The following GPR183 variants were observed in gnomAD, a reference collection of about 807,000 sequenced individuals.
GPR183 encodes EBV-induced G-protein coupled receptor 2.
GPR183 carries 9 observed loss-of-function variants against 19.7 expected under a neutral mutation model. The ratio of observed to expected loss-of-function variants is 0.46; its 90% CI spans 0.28 to 0.80. GPR183 has a LOEUF of 0.80. Among genes scored for constraint, GPR183 ranks in the 30% least tolerant of loss-of-function variants. GPR183 has a pLI of 0.13. For missense variants in GPR183, 368 were observed against 446.7 expected (o/e 0.82, Z 1.59); for synonymous variants, 160 against 155.1 (o/e 1.03, Z -0.24).
Position 99,295,021 on chromosome 13 carries a change from A to G in GPR183, c.*39T>C, listed in dbSNP as rs548559580. 1.3e-5 allele frequency: 20 copies of G among 1,564,354 alleles called. No individual in the cohort carries two copies. The South Asian group carries it at 2.3e-4, about 18-fold the overall frequency. ...TAAGGGAAGTCCTGCAAAGTTTGTC[A>G]TACAGTTTACGTCACTATAAACCAA... On this transcript the variant is annotated 3_prime_UTR_variant, in exon 2 of 2. Coordinates refer to ENST00000376414, the MANE Select transcript of GPR183 (RefSeq NM_004951.5). This position sits in a 1 kb window ranked among gnomAD's most constrained non-coding sequence, Gnocchi z 4.1.
intron 1 of GPR183, among the ~76,000 whole-genome samples, chr13:99,305,945 G>C (rs776918692): frequency 1.3e-4 from 20 of 152,150 alleles, no homozygotes; most frequent in Non-Finnish European, 2.5e-4. Context: ...GCCCAGGCTA[G>C]AGTGCAGTGG....
Position 99,295,167 on chromosome 13 carries a change from CT to C in GPR183, c.978del (p.Val327SerfsTer9). On this transcript the variant is annotated frameshift_variant, in exon 2 of 2. Transcript: ENST00000376414. LOFTEE classifies it high-confidence loss of function. The surrounding 1 kb of genome is among the most constrained non-coding windows in gnomAD (Gnocchi z 4.1). The stretch of plus-strand genomic sequence containing the variant: ...ACAGCACTAGAAATCGATACACTGA[CT>C]TGCCGTTTCAGCATCCTCATAACCT... Reference protein sequence around the residue: ...KRKVMRMLKRQVSVSISSAVK... With the variant: ...KRKVMRMLKRXVSVSISSAVK... 6.2e-7 allele frequency: 1 copy of C among 1,614,158 alleles called. No homozygotes were observed. Among genetic ancestry groups the C allele is most frequent in the Non-Finnish European group, 8.5e-7 (1 of 1,180,000 alleles).
In GPR183 at chr13:99,295,757, A is replaced by C; in HGVS notation, c.389T>G (p.Phe130Cys). Residue 130 changes from phenylalanine to cysteine, a missense_variant, in exon 2 of 2, where the codon TTC (phenylalanine) becomes TGC (cysteine). Phe to Cys is a radical substitution (Grantham distance 205). Coordinates refer to ENST00000376414, the MANE Select transcript of GPR183 (RefSeq NM_004951.5). The surrounding 1 kb of genome is among the most constrained non-coding windows in gnomAD (Gnocchi z 4.1). ...GCGTAGAGGGTGCACCACAGCAATG[A>C]AGCGGTCAATACTCAGGCAGGTCAT... ...NFMTCLSIDR[F>C]IAVVHPLRYN... 1 of 1,614,148 alleles carries C rather than the reference A, an allele frequency of 6.2e-7. No homozygotes were observed. Among genetic ancestry groups the C allele is most frequent in the Middle Eastern group, 1.7e-4 (1 of 6,060 alleles).
Position 99,295,620 on chromosome 13 carries a change from C to A in GPR183, c.526G>T (p.Ala176Ser), listed in dbSNP as rs541209030. ...TACTCCATGCATGTAATCCTTTCAG[C>A]CTCCTGCTTTGACATAGGGTTGATG... The part of the protein sequence containing the change: ...LLINPMSKQE[A>S]ERITCMEYPN... Residue 176 changes from alanine to serine, a missense_variant, in exon 2 of 2, where the codon GCT becomes TCT. By Grantham distance (99) the Ala-to-Ser change is moderately conservative. Coordinates refer to ENST00000376414, the MANE Select transcript of GPR183 (RefSeq NM_004951.5). The surrounding 1 kb of genome is among the most constrained non-coding windows in gnomAD (Gnocchi z 4.1). 6 of 1,614,140 alleles carry A rather than the reference C, an allele frequency of 3.7e-6. No homozygotes were observed. The Admixed American group carries it at 5.0e-5, about 13-fold the overall frequency.
rs1466246899 is a variant in GPR183, at chr13:99,295,441, T to C, written c.705A>G (p.Lys235=). The C allele has an allele frequency of 1.9e-6, 3 of 1,614,136 alleles. No individual in the cohort carries two copies. The highest frequency in any genetic ancestry group is 1.7e-6 in the Non-Finnish European group (2 of 1,180,022). Residue 235 remains lysine (K), a synonymous_variant, in exon 2 of 2, where the codon AAA becomes AAG. Coordinates refer to ENST00000376414, the MANE Select transcript of GPR183 (RefSeq NM_004951.5). This position sits in a 1 kb window ranked among gnomAD's most constrained non-coding sequence, Gnocchi z 4.1. The part of the protein sequence containing the change: ...RTAKQNPLTE[K]SGVNKKALNT... ...TGAGAGCCTTTTTGTTTACACCAGA[T>C]TTCTCAGTGAGTGGGTTTTGTTTGG...
chr13:99,303,014 C>T (rs1037220459), intron 1 of GPR183, among the ~76,000 whole-genome samples: 16 of 372 alleles, frequency 0.043, no homozygotes, highest in Non-Finnish European at 0.068. Flanking sequence ...ACCTCCCCTG[C>T]CTCCTGGGGG....
Position 99,295,085 on chromosome 13 carries a change from T to G in GPR183, c.1061A>C (p.His354Pro), listed in dbSNP as rs768009744. Reference protein sequence around the residue: ...REMTETQMMIHSKSSNGK With the variant: ...REMTETQMMIPSKSSNGK The stretch of plus-strand genomic sequence containing the variant: ...TCACTTTCCATTTGAAGACTTGGAA[T>G]GTATCATCATCTGCGTTTCTGTCAT... Residue 354 changes from histidine (H) to proline (P), a missense_variant, in exon 2 of 2, where the codon CAT becomes CCT. Coordinates refer to ENST00000376414, the MANE Select transcript of GPR183 (RefSeq NM_004951.5). The surrounding 1 kb of genome is among the most constrained non-coding windows in gnomAD (Gnocchi z 4.1). 1 of 1,613,864 alleles carries G rather than the reference T, an allele frequency of 6.2e-7. No homozygotes were observed. The highest frequency in any genetic ancestry group is 2.2e-5 in the East Asian group (1 of 44,872).
At chr13:99,297,637 A>C (rs893245007) in intron 1 of GPR183, among the ~76,000 whole-genome samples, 1 of 152,154 alleles carries the variant, frequency 6.6e-6, no homozygotes, top group Non-Finnish European at 1.5e-5. Flanking sequence ...AACCTAAAGC[A>C]AAAGAGAGCA....
At position 99,295,361 on chromosome 13, in the gene GPR183, A is replaced by G. The variant is rs749629581; in HGVS notation, c.785T>C (p.Val262Ala). 43 of 1,614,136 alleles carry G rather than the reference A, an allele frequency of 2.7e-5. No homozygotes were observed. The highest frequency in any genetic ancestry group is 3.6e-5 in the Non-Finnish European group (43 of 1,179,986). ...CTTAATCATATGTTGAATAATTGCA[A>G]CATGGTAAGGTGTGAAACAGAGAAC... ...VFVLCFTPYH[V>A]AIIQHMIKKL... is the part of the protein sequence containing the mutation. Residue 262 changes from valine to alanine, a missense_variant, in exon 2 of 2, where the codon GTT becomes GCT. Val to Ala is a moderately conservative substitution (Grantham distance 64, BLOSUM62 0). Transcript: ENST00000376414. This position sits in a 1 kb window ranked among gnomAD's most constrained non-coding sequence, Gnocchi z 4.1.
chr13:99,299,437 T>C (rs1442085337), intron 1 of GPR183, among the ~76,000 whole-genome samples: 1 of 151,366 alleles, frequency 6.6e-6, no homozygotes, highest in Non-Finnish European at 1.5e-5. Flanking sequence ...TTTTGGGAGG[T>C]AGGGAAGCAA....
At chr13:99,302,415 G>C (rs1224034968) in intron 1 of GPR183, among the ~76,000 whole-genome samples, 3 of 152,184 alleles carry the variant, frequency 2.0e-5, no homozygotes, top group Non-Finnish European at 2.9e-5. Context: ...GCAAGCTGGG[G>C]CTGTTTCAGC....
At chr13:99,306,474 T>C (rs2138746535) in intron 1 of GPR183, among the ~76,000 whole-genome samples, 1 of 152,116 alleles carries the variant, frequency 6.6e-6, no homozygotes, top group Non-Finnish European at 1.5e-5. Flanking sequence ...TTACACTATA[T>C]TGTACTCAGA....
In GPR183 at chr13:99,299,701, A is replaced by G. The variant is rs149911175; in HGVS notation, c.-18-3538T>C. Among the ~76,000 whole-genome samples, 441 of 152,230 alleles carry G rather than the reference A, an allele frequency of 2.9e-3. 2 individuals are homozygous for G. Among genetic ancestry groups the G allele is most frequent in the African/African-American group, 0.01 (428 of 41,532 alleles). On this transcript the variant is annotated intron_variant, in intron 1 of 1. Coordinates refer to ENST00000376414, the MANE Select transcript of GPR183 (RefSeq NM_004951.5). The stretch of plus-strand genomic sequence containing the variant: ...ACATGCTTTTCAAAGCTTGCTGTTC[A>G]GTGTTCCTTTTTCAGATTTCTGCAT...
At chr13:99,306,202 A>C (rs1489319867) in intron 1 of GPR183, among the ~76,000 whole-genome samples, 1 of 152,138 alleles carries the variant, frequency 6.6e-6, no homozygotes, top group African/African-American at 2.4e-5. Flanking sequence ...AGCCTGATTC[A>C]GGGTCTTTAT....
intron 1 of GPR183, 79 bp from the exon 2 acceptor site, chr13:99,296,242 T>A: frequency 8.2e-7 from 1 of 1,215,652 alleles, no homozygotes; most frequent in Non-Finnish European, 1.1e-6. Flanking sequence ...TAAAAAAGTT[T>A]AAATAATGTA....
chr13:99,295,798 A>G lies in GPR183; in HGVS notation c.348T>C (p.Tyr116=), dbSNP rs1462068274. The G allele has an allele frequency of 1.2e-6, 2 of 1,612,614 alleles. No individual in the cohort carries two copies. Among genetic ancestry groups the G allele is most frequent in the African/African-American group, 1.3e-5 (1 of 74,920 alleles). The change falls in exon 2 of 2, where the codon TAT becomes TAC. Residue 116 remains tyrosine (Y), a synonymous_variant. Coordinates refer to ENST00000376414, the MANE Select transcript of GPR183 (RefSeq NM_004951.5). The surrounding 1 kb of genome is among the most constrained non-coding windows in gnomAD (Gnocchi z 4.1). The part of the protein sequence containing the change: ...ITALVFYINT[Y]AGVNFMTCLS... ...GGCAGGTCATAAAGTTCACACCTGC[A>G]TATGTGTTGATGTAAAACACTAGCG...
At chr13:99,306,469 C>T (rs1198069075) in intron 1 of GPR183, among the ~76,000 whole-genome samples, 4 of 152,090 alleles carry the variant, frequency 2.6e-5, no homozygotes, top group Admixed American at 2.0e-4. Flanking sequence ...TCTTATTACA[C>T]TATATTGTAC....
chr13:99,296,271 T>C, intron 1 of GPR183, 108 bp from the exon 2 acceptor site: 2 of 797,580 alleles, frequency 2.5e-6, no homozygotes, highest in Admixed American at 3.4e-5. Context: ...ATCCAAACTG[T>C]CTTTTATATA....
chr13:99,304,608 T>C (rs569232901), intron 1 of GPR183, among the ~76,000 whole-genome samples: 1 of 152,362 alleles, frequency 6.6e-6, no homozygotes, highest in Admixed American at 6.5e-5. Context: ...AAGCCCTTGA[T>C]GAATAATAAT....
Sources: allele counts gnomAD v4.1 joint callset (sites outside exome capture counted in the v4.1 genomes callset), GRCh38; gene constraint gnomAD v4.1.1; non-coding constraint Gnocchi (gnomAD v3.1); transcripts MANE v1.5; gene names NCBI Gene and HGNC (gene_info 2026-07-23, HGNC 2026-07-21).